Variants in MEIS3 observed in about 807,000 individuals in gnomAD.
MEIS3 encodes the protein Meis homeobox 3, also known as homeobox protein Meis3.
A neutral mutation model predicts 51.4 loss-of-function variants in MEIS3; 38 were observed. The observed-to-expected ratio is 0.74, with a 90% confidence interval of 0.57 to 0.97. MEIS3 has a LOEUF of 0.97. MEIS3 is among the 50% of genes least tolerant of loss of function. The pLI, the probability that MEIS3 is intolerant of heterozygous loss-of-function variation, is 0.00. For missense variants in MEIS3, 456 were observed against 502.6 expected (o/e 0.91, Z 0.89); for synonymous variants, 198 against 201.8 (o/e 0.98, Z 0.16).
At chr19:47,409,816 T>C (rs1009583504) in intron 6 of MEIS3, among the ~76,000 whole-genome samples, 3 of 150,646 alleles carry the variant, frequency 2.0e-5, no homozygotes, top group Admixed American at 6.6e-5. Flanking sequence ...TGAGCCGAGA[T>C]TGCGCCACTG....
At chr19:47,407,309 C>G (rs1970883622) in intron 9 of MEIS3, 43 bp downstream of exon 9, 1 of 1,591,922 alleles carries the variant, frequency 6.3e-7, no homozygotes, top group Admixed American at 1.7e-5. Flanking sequence ...AGCGCCCGGG[C>G]TCTCGCCCCG....
chr19:47,406,617 G>T, intron 11 of MEIS3, 91 bp from the exon 12 acceptor site: 2 of 1,276,634 alleles, frequency 1.6e-6, no homozygotes, highest in Non-Finnish European at 2.3e-6. Context: ...TACACCAGGG[G>T]ATCCCTCTAC....
intron 11 of MEIS3, 94 bp from the exon 12 acceptor site, chr19:47,406,620 C>T (rs967952154): frequency 4.2e-5 from 52 of 1,249,482 alleles, no homozygotes; most frequent in African/African-American, 7.4e-5. Flanking sequence ...ACCAGGGGAT[C>T]CCTCTACCAG....
At chr19:47,420,724 C>A (rs67165745), upstream of MEIS3, among the ~76,000 whole-genome samples, 17,743 of 149,718 alleles carry the variant, frequency 0.12, 2,766 homozygotes, top group African/African-American at 0.36. Context: ...AAGAGACGAG[C>A]TGTTGGGAAG....
intron 1 of MEIS3, chr19:47,417,887 C>T (rs1282310516): frequency 1.7e-6 from 1 of 593,702 alleles, no homozygotes; most frequent in Non-Finnish European, 3.0e-6. Context: ...AACCCACGTG[C>T]ACACTCATGT....
chr19:47,409,763 T>G (rs1971036212), intron 6 of MEIS3, among the ~76,000 whole-genome samples: 1 of 151,388 alleles, frequency 6.6e-6, no homozygotes, highest in African/African-American at 2.4e-5. Flanking sequence ...CTCAGGAGGC[T>G]GAGGCAGGAG....
chr19:47,410,629 G>A (rs772184036), intron 6 of MEIS3, among the ~76,000 whole-genome samples: 9 of 151,790 alleles, frequency 5.9e-5, no homozygotes, highest in Non-Finnish European at 1.3e-4. Flanking sequence ...AGCTGGGCGT[G>A]GTGGTGGGCG....
chr19:47,406,842 G>A, intron 11 of MEIS3, 46 bp downstream of exon 11: 1 of 1,501,122 alleles, frequency 6.7e-7, no homozygotes. Context: ...TTACAGGTGG[G>A]TCATGGTGCG....
chr19:47,418,711 A>C, intron 1 of MEIS3: 1 of 156,492 alleles, frequency 6.4e-6, no homozygotes, highest in Non-Finnish European at 1.2e-5. Flanking sequence ...CGGGTGGGGG[A>C]GGGCAGAGAG....
rs199742918 is a variant in MEIS3, at chr19:47,409,100, G to C, written c.857C>G (p.Ser286Trp). ...IMRAWLFQHL[S>W]HPYPSEEQKK... Reference sequence around the variant, plus strand: ...GCACCTGGGCAGCAGGGCTCTCACCGAGAGGTGCTGGAACAACCAGGCTCG... The same window carrying C: ...GCACCTGGGCAGCAGGGCTCTCACCCAGAGGTGCTGGAACAACCAGGCTCG... The change falls in exon 8 of 13, where the codon TCG (serine) becomes TGG (tryptophan). Residue 286 changes from serine to tryptophan, a missense_variant and splice_region_variant. Coordinates refer to ENST00000558555, the MANE Select transcript of MEIS3 (RefSeq NM_001301059.2). 2 of 1,609,262 alleles carry C rather than the reference G, an allele frequency of 1.2e-6. No individual in the cohort carries two copies. Among genetic ancestry groups the C allele is most frequent in the Non-Finnish European group, 1.7e-6 (2 of 1,179,932 alleles).
intron 6 of MEIS3, chr19:47,412,359 T>G (rs537430059): frequency 6.6e-5 from 10 of 152,296 alleles, no homozygotes; most frequent in African/African-American, 2.4e-4. Flanking sequence ...AATCTGCTCC[T>G]CTCTCCAGTT....
At chr19:47,417,978 A>G (rs1971543945) in intron 1 of MEIS3, 1 of 467,848 alleles carries the variant, frequency 2.1e-6, no homozygotes, top group South Asian at 3.6e-5. Flanking sequence ...ACAAGAATGA[A>G]TGCATGATTG....
At chr19:47,415,647 C>G (rs1971375804) in intron 4 of MEIS3, among the ~76,000 whole-genome samples, 1 of 147,040 alleles carries the variant, frequency 6.8e-6, no homozygotes, top group African/African-American at 2.5e-5. Context: ...GATCTTGGCT[C>G]ACTGCAACCT....
intron 8 of MEIS3, among the ~76,000 whole-genome samples, chr19:47,407,869 G>A (rs1027010933): frequency 6.6e-6 from 1 of 152,144 alleles, no homozygotes; most frequent in African/African-American, 2.4e-5. Flanking sequence ...ATGCAGTGGC[G>A]CGATCTCTGC....
chr19:47,409,803 C>T (rs1443147059), intron 6 of MEIS3, among the ~76,000 whole-genome samples: 1 of 149,640 alleles, frequency 6.7e-6, no homozygotes, highest in African/African-American at 2.5e-5. Flanking sequence ...GCAGAGGTTG[C>T]AGTGAGCCGA....
Position 47,416,632 on chromosome 19 carries a change from G to T in MEIS3, c.396+20C>A, listed in dbSNP as rs768477930. ...GAGACCCATTGGAGGAGGGGGTGTG[G>T]GGGAGGGCTCGGGTCTCACCAGATT... On this transcript the variant is annotated intron_variant, in intron 4 of 12. Transcript: ENST00000558555. 6.6e-7 allele frequency: 1 copy of T among 1,508,466 alleles called. No individual in the cohort carries two copies. Among genetic ancestry groups the T allele is most frequent in the African/African-American group, 1.4e-5 (1 of 71,300 alleles). The allele number at this position is 1,508,466 out of a possible 1,614,324, so 93.4% of individuals were successfully genotyped here. A position where few individuals can be genotyped will look rare whatever the true frequency, so the allele number is the denominator to read the frequency against.
At position 47,407,156 on chromosome 19, in the gene MEIS3, A is replaced by G; in HGVS notation, c.936-19T>C. On this transcript the variant is annotated intron_variant, in intron 9 of 12. Coordinates refer to ENST00000558555, the MANE Select transcript of MEIS3 (RefSeq NM_001301059.2). The stretch of plus-strand genomic sequence containing the variant: ...AATGAACCTGGGAGGCGGTCATGGA[A>G]ACGGAGGGGAATGAAAAGAGGGAGT... 6.2e-7 allele frequency: 1 copy of G among 1,604,324 alleles called. No individual in the cohort carries two copies. Among genetic ancestry groups the G allele is most frequent in the Admixed American group, 1.7e-5 (1 of 57,898 alleles).
At chr19:47,420,558 G>GGAGA (rs372574588), upstream of MEIS3, among the ~76,000 whole-genome samples, 4 of 133,604 alleles carry the variant, frequency 3.0e-5, no homozygotes, top group East Asian at 2.3e-4. Flanking sequence ...GCGGGTGGGA[G>GGAGA]GAGAGAGAGA....
At chr19:47,410,885 T>A (rs1971100946) in intron 6 of MEIS3, among the ~76,000 whole-genome samples, 1 of 152,234 alleles carries the variant, frequency 6.6e-6, no homozygotes, top group Non-Finnish European at 1.5e-5. Context: ...GTCTATGGCA[T>A]CTTATCTAAA....
Sources: allele counts gnomAD v4.1 joint callset (sites outside exome capture counted in the v4.1 genomes callset), GRCh38; gene constraint gnomAD v4.1.1; transcripts MANE v1.5; gene names NCBI Gene and HGNC (gene_info 2026-07-23, HGNC 2026-07-21).